Variants in TRABD2B observed in about 807,000 individuals in gnomAD.
The protein encoded by TRABD2B is metalloprotease TIKI2.
TRABD2B carries 14 observed loss-of-function variants against 40.1 expected under a neutral mutation model. That is an observed-to-expected ratio of 0.35 (90% CI 0.23 to 0.55). The LOEUF is 0.55. Among genes scored for constraint, TRABD2B ranks in the 20% least tolerant of loss-of-function variants. The pLI is 0.90. For synonymous variants in TRABD2B, 263 were observed against 277.0 expected (o/e 0.95, Z 0.50); for missense variants, 541 against 648.6 (o/e 0.83, Z 1.80).
At chr1:47,851,029 G>A (rs985668988) in intron 2 of TRABD2B, among the ~76,000 whole-genome samples, 6 of 141,728 alleles carry the variant, frequency 4.2e-5, no homozygotes, top group South Asian at 2.1e-4. Context: ...GGTAATGCTC[G>A]CTCACCTGCT....
chr1:47,768,182 A>T (rs1644330471), intron 6 of TRABD2B, among the ~76,000 whole-genome samples: 1 of 152,158 alleles, frequency 6.6e-6, no homozygotes. Context: ...GCAGTTGCAT[A>T]AGGTTCCTTT....
chr1:47,934,098 A>C (rs1457618601), intron 2 of TRABD2B, among the ~76,000 whole-genome samples: 2 of 152,250 alleles, frequency 1.3e-5, no homozygotes, highest in African/African-American at 4.8e-5. Context: ...GACACTCTTT[A>C]GTATGTTAAT....
intron 4 of TRABD2B, among the ~76,000 whole-genome samples, chr1:47,789,031 C>T (rs1404955164): frequency 3.3e-5 from 5 of 152,288 alleles, no homozygotes; most frequent in African/African-American, 1.2e-4. Context: ...CTGGACCCCA[C>T]CCCCACAATT....
intron 2 of TRABD2B, among the ~76,000 whole-genome samples, chr1:47,938,353 C>G (rs1645141611): frequency 6.6e-6 from 1 of 152,228 alleles, no homozygotes; most frequent in African/African-American, 2.4e-5. Flanking sequence ...CCAGCTCTAT[C>G]TGTCTCTGGA....
At chr1:47,909,885 A>C (rs75143417) in intron 2 of TRABD2B, among the ~76,000 whole-genome samples, 144,742 of 144,742 alleles carry the variant, frequency 1, 72,371 homozygotes, top group Non-Finnish European at 1. Context: ...GACACTTTGG[A>C]ACTGTTACCC....
At chr1:47,894,782 C>T (rs575864825) in intron 2 of TRABD2B, among the ~76,000 whole-genome samples, 8 of 152,260 alleles carry the variant, frequency 5.3e-5, no homozygotes, top group Non-Finnish European at 1.2e-4. Flanking sequence ...GTGAACATGA[C>T]GTACCACTCC....
At chr1:47,795,533 C>A (rs1055131877) in intron 3 of TRABD2B, 6 of 411,296 alleles carry the variant, frequency 1.5e-5, no homozygotes, top group African/African-American at 6.5e-5. Context: ...AGTAGGCTCA[C>A]CCCCTGTTCT....
intron 2 of TRABD2B, among the ~76,000 whole-genome samples, chr1:47,831,916 A>C (rs1022737748): frequency 1.3e-5 from 2 of 152,060 alleles, no homozygotes; most frequent in Non-Finnish European, 2.9e-5. Flanking sequence ...CTGAACACCT[A>C]CTGTGTGCTC....
At chr1:47,873,242 T>TG (rs1557627763) in intron 2 of TRABD2B, among the ~76,000 whole-genome samples, 1 of 152,134 alleles carries the variant, frequency 6.6e-6, no homozygotes, top group Admixed American at 6.5e-5. Context: ...ATGTGAATTT[T>TG]GGGGGGATAG....
At position 47,996,118 on chromosome 1, in the gene TRABD2B, C is replaced by A. The variant is rs917763154; in HGVS notation, c.102+570G>T. Among the ~76,000 whole-genome samples, 2 of 152,148 alleles carry A rather than the reference C, an allele frequency of 1.3e-5. No homozygotes were observed. The highest frequency in any genetic ancestry group is 4.8e-5 in the African/African-American group (2 of 41,424). On this transcript the variant is annotated intron_variant, in intron 1 of 6. Coordinates refer to ENST00000606738, the MANE Select transcript of TRABD2B (RefSeq NM_001194986.2). This position sits in a 1 kb window ranked among gnomAD's most constrained non-coding sequence, Gnocchi z 4.6. ...TTTCCTCTCCTCTGAAATCTTCCCT[C>A]TTTTCACGAAATATGGACGCTTGGG... is the stretch of plus-strand genomic sequence containing the variant.
At chr1:47,991,757 G>A (rs1646014574) in intron 2 of TRABD2B, among the ~76,000 whole-genome samples, 1 of 152,074 alleles carries the variant, frequency 6.6e-6, no homozygotes, top group African/African-American at 2.4e-5. Context: ...TGCAATAACA[G>A]TAATGCTGCG....
At chr1:47,892,899 A>C (rs1644467349) in intron 2 of TRABD2B, among the ~76,000 whole-genome samples, 1 of 152,226 alleles carries the variant, frequency 6.6e-6, no homozygotes, top group South Asian at 2.1e-4. Flanking sequence ...GAGCCTTGGG[A>C]AGTGCAGTCT....
At chr1:47,781,373 C>T (rs1281996407) in intron 4 of TRABD2B, among the ~76,000 whole-genome samples, 2 of 152,180 alleles carry the variant, frequency 1.3e-5, no homozygotes, top group Non-Finnish European at 2.9e-5. Flanking sequence ...CTGACTGCTG[C>T]GCGGCTGCTC....
At chr1:47,944,910 T>C (rs1044539803) in intron 2 of TRABD2B, among the ~76,000 whole-genome samples, 4 of 151,826 alleles carry the variant, frequency 2.6e-5, no homozygotes, top group Non-Finnish European at 5.9e-5. Context: ...AAACACTCAT[T>C]AGATAGAAAA....
At position 47,761,984 on chromosome 1, in the gene TRABD2B, A is replaced by G. The variant is rs1338145109; in HGVS notation, c.*3918T>C. ...CATGACCCCTGCCATTAAGCTGCTC[A>G]CAGTCCGAGAGGAGCAGATACACAC... is the stretch of plus-strand genomic sequence containing the variant. On this transcript the variant is annotated 3_prime_UTR_variant, in exon 7 of 7. Coordinates refer to ENST00000606738, the MANE Select transcript of TRABD2B (RefSeq NM_001194986.2). 1 of 152,196 alleles carries G rather than the reference A, an allele frequency of 6.6e-6. No homozygotes were observed. Among genetic ancestry groups the G allele is most frequent in the Non-Finnish European group, 1.5e-5 (1 of 68,048 alleles). 9.4% of individuals were successfully genotyped at this position (152,196 alleles called of 1,614,324 possible).
chr1:47,832,671 A>C (rs1427756616), intron 2 of TRABD2B, among the ~76,000 whole-genome samples: 1 of 152,230 alleles, frequency 6.6e-6, no homozygotes, highest in African/African-American at 2.4e-5. Flanking sequence ...GTAGGGACTA[A>C]CATTACTTGA....
At chr1:47,857,432 T>C (rs1643904030) in intron 2 of TRABD2B, among the ~76,000 whole-genome samples, 1 of 152,200 alleles carries the variant, frequency 6.6e-6, no homozygotes, top group African/African-American at 2.4e-5. Context: ...AGCAACCTTC[T>C]ATGCCTCCTT....
intron 2 of TRABD2B, among the ~76,000 whole-genome samples, chr1:47,891,104 A>G (rs1344554377): frequency 6.6e-6 from 1 of 152,246 alleles, no homozygotes; most frequent in Non-Finnish European, 1.5e-5. Context: ...GTTTGTTATA[A>G]GGATTAACTG....
intron 2 of TRABD2B, among the ~76,000 whole-genome samples, chr1:47,875,905 T>C (rs1644219381): frequency 2.0e-5 from 3 of 151,910 alleles, no homozygotes; most frequent in Admixed American, 1.3e-4. Context: ...CTCACATCTA[T>C]TTATATTTGT....
Sources: gnomAD v4.1 joint callset for allele counts (sites outside exome capture counted in the v4.1 genomes callset) on GRCh38, gnomAD v4.1.1 for gene constraint, Gnocchi (gnomAD v3.1) non-coding constraint, MANE v1.5 for transcripts, NCBI Gene and HGNC (gene_info 2026-07-23, HGNC 2026-07-21) for gene names.